Variants in MED13L observed in about 807,000 individuals in gnomAD.
MED13L encodes the protein mediator of RNA polymerase II transcription subunit 13-like.
MED13L carries 7 observed loss-of-function variants against 220.9 expected under a neutral mutation model. That is an observed-to-expected ratio of 0.03 (90% CI 0.02 to 0.06). MED13L has a LOEUF of 0.06. Among genes scored for constraint, MED13L ranks in the 10% least tolerant of loss-of-function variants. The pLI is 1.00. For synonymous variants in MED13L, 1,011 were observed against 1,015.2 expected (o/e 1.00, Z 0.08); for missense variants, 1,965 against 2,760.5 (o/e 0.71, Z 6.46).
chr12:116,256,580 G>A (rs1276952206), intron 1 of MED13L, among the ~76,000 whole-genome samples: 2 of 150,968 alleles, frequency 1.3e-5, no homozygotes, highest in East Asian at 3.9e-4. Context: ...CTTAAAGTGA[G>A]TATATTTTAT....
At chr12:116,140,150 C>A (rs78088860) in intron 2 of MED13L, among the ~76,000 whole-genome samples, 8,409 of 152,134 alleles carry the variant, frequency 0.055, 309 homozygotes, top group Non-Finnish European at 0.084. Context: ...CATACTCCCC[C>A]CCTTTCCCAG....
Position 116,106,123 on chromosome 12 carries a change from A to G in MED13L, c.395+5305T>C, listed in dbSNP as rs1260459609. 3.3e-5 allele frequency among the ~76,000 whole-genome samples: 5 copies of G among 152,162 alleles called. No individual in the cohort carries two copies. The East Asian group carries it at 9.7e-4, about 29-fold the overall frequency. ...CAACATGAGCATGAAATAAACTTCTATTGGATGAGCTAGTAACATCTTTGA... is the reference window on the plus strand; with the variant it reads ...CAACATGAGCATGAAATAAACTTCTGTTGGATGAGCTAGTAACATCTTTGA... On this transcript the variant is annotated intron_variant, in intron 3 of 30. Coordinates refer to ENST00000281928, the MANE Select transcript of MED13L (RefSeq NM_015335.5).
intron 2 of MED13L, among the ~76,000 whole-genome samples, chr12:116,138,624 A>C (rs1876788309): frequency 6.6e-6 from 1 of 152,214 alleles, no homozygotes; most frequent in African/African-American, 2.4e-5. Context: ...ATCAGGACAA[A>C]TCTGGGGAAG....
At chr12:116,071,086 A>G (rs1029256596) in intron 4 of MED13L, among the ~76,000 whole-genome samples, 3 of 152,208 alleles carry the variant, frequency 2.0e-5, no homozygotes, top group Non-Finnish European at 2.9e-5. Context: ...TCATTGAAGA[A>G]AACTGAAAAA....
chr12:116,200,019 C>T (rs576861753), intron 2 of MED13L, among the ~76,000 whole-genome samples: 6 of 149,512 alleles, frequency 4.0e-5, no homozygotes, highest in South Asian at 4.2e-4. Flanking sequence ...AAAGTCCGGG[C>T]GCCATGGCTC....
intron 2 of MED13L, among the ~76,000 whole-genome samples, chr12:116,154,025 T>C (rs561778468): frequency 2.0e-5 from 3 of 152,334 alleles, no homozygotes; most frequent in Non-Finnish European, 4.4e-5. Context: ...GCACTGCTCT[T>C]GTAGCAATAG....
At chr12:116,026,837 T>C (rs1880422053) in intron 4 of MED13L, among the ~76,000 whole-genome samples, 1 of 152,126 alleles carries the variant, frequency 6.6e-6, no homozygotes, top group South Asian at 2.1e-4. Flanking sequence ...GCACTGCTTG[T>C]AATAAAGTCT....
At chr12:116,202,705 T>G (rs1565926284) in intron 2 of MED13L, among the ~76,000 whole-genome samples, 1 of 152,130 alleles carries the variant, frequency 6.6e-6, no homozygotes, top group African/African-American at 2.4e-5. Flanking sequence ...GGAACTCCCC[T>G]CTCTCTAAAA....
At chr12:116,017,709 G>A (rs1051184525) in intron 7 of MED13L, among the ~76,000 whole-genome samples, 1 of 152,126 alleles carries the variant, frequency 6.6e-6, no homozygotes, top group Admixed American at 6.6e-5. Context: ...TCCACCTCCA[G>A]GGCTCAAGCC....
At chr12:116,188,727 C>G (rs1881062765) in intron 2 of MED13L, among the ~76,000 whole-genome samples, 1 of 152,108 alleles carries the variant, frequency 6.6e-6, no homozygotes, top group Non-Finnish European at 1.5e-5. Context: ...GTTTCACCAA[C>G]TTTCCTCCCA....
chr12:115,985,830 G>A (rs1226039894), intron 19 of MED13L, among the ~76,000 whole-genome samples: 1 of 152,248 alleles, frequency 6.6e-6, no homozygotes, highest in East Asian at 1.9e-4. Context: ...TCAGAAATTT[G>A]CAAAAGACAC....
intron 4 of MED13L, among the ~76,000 whole-genome samples, chr12:116,063,565 C>T (rs1457719715): frequency 6.6e-6 from 1 of 152,092 alleles, no homozygotes; most frequent in Non-Finnish European, 1.5e-5. Flanking sequence ...GATATCTAAG[C>T]CACTGTTTCC....
chr12:116,271,372 C>T (rs986872202), intron 1 of MED13L, among the ~76,000 whole-genome samples: 2 of 151,964 alleles, frequency 1.3e-5, no homozygotes, highest in African/African-American at 4.8e-5. Context: ...GGGAGGATCA[C>T]GAGGTCAGGA....
intron 2 of MED13L, among the ~76,000 whole-genome samples, chr12:116,129,062 G>C (rs188500594): frequency 6.6e-6 from 1 of 152,168 alleles, no homozygotes; most frequent in Admixed American, 6.5e-5. Flanking sequence ...TTATTCTCAA[G>C]TATCTCTGGC....
chr12:116,061,298 T>C (rs963190575), intron 4 of MED13L, among the ~76,000 whole-genome samples: 4 of 152,186 alleles, frequency 2.6e-5, no homozygotes, highest in African/African-American at 9.7e-5. Flanking sequence ...ATTTTTATTT[T>C]TAAATATAGA....
intron 4 of MED13L, among the ~76,000 whole-genome samples, chr12:116,086,471 G>C (rs996358290): frequency 6.6e-6 from 1 of 151,908 alleles, no homozygotes; most frequent in Non-Finnish European, 1.5e-5. Flanking sequence ...TAGTAGAGAC[G>C]GAGTTTCTCC....
chr12:116,015,814 G>T (rs991717382), intron 7 of MED13L, among the ~76,000 whole-genome samples: 1 of 152,156 alleles, frequency 6.6e-6, no homozygotes, highest in East Asian at 1.9e-4. Flanking sequence ...TTTCAAATTT[G>T]TGTGTGGTAC....
At chr12:116,140,237 G>A (rs55984419) in intron 2 of MED13L, among the ~76,000 whole-genome samples, 19,585 of 151,854 alleles carry the variant, frequency 0.13, 1,546 homozygotes, top group South Asian at 0.19. Flanking sequence ...ATATTTATGC[G>A]TGATTATTGT....
chr12:116,120,420 CT>C (rs890749861), intron 2 of MED13L, among the ~76,000 whole-genome samples: 5 of 147,736 alleles, frequency 3.4e-5, no homozygotes, highest in Non-Finnish European at 7.5e-5. Flanking sequence ...CACATTTTGG[CT>C]TCTTTAAATA....
Sources: allele counts gnomAD v4.1 joint callset (sites outside exome capture counted in the v4.1 genomes callset), GRCh38; gene constraint gnomAD v4.1.1; transcripts MANE v1.5; gene names NCBI Gene and HGNC (gene_info 2026-07-23, HGNC 2026-07-21).